NCOA6: variants seen among roughly 807,000 people sequenced by gnomAD.
The protein encoded by NCOA6 is nuclear receptor coactivator 6.
In NCOA6, 49 loss-of-function variants were observed where a neutral mutation model predicts 171.4. The ratio of observed to expected loss-of-function variants is 0.29; its 90% CI spans 0.23 to 0.36. The LOEUF is 0.36. Among genes scored for constraint, NCOA6 ranks in the 10% least tolerant of loss-of-function variants. The probability of loss-of-function intolerance (pLI) is 1.00; values close to 1 mark genes in which losing one functional copy is unlikely to be tolerated. For missense variants in NCOA6, 2,248 were observed against 2,554.5 expected, an observed-to-expected ratio of 0.88 and a Z score of 2.59; for synonymous variants, 910 against 927.5, an observed-to-expected ratio of 0.98 and a Z score of 0.34.
At position 34,768,542 on chromosome 20, in the gene NCOA6, C is replaced by G. The variant is rs748901118; in HGVS notation, c.436G>C (p.Asp146His). Residue 146 changes from aspartate to histidine, a missense_variant, in exon 5 of 15, where the codon GAT (aspartate) becomes CAT (histidine). This residue lies in a region of NCOA6 where 987 missense variants were observed against 1,104.7 expected (regional missense o/e 0.89). Coordinates refer to ENST00000359003, the MANE Select transcript of NCOA6 (RefSeq NM_014071.5). Reference sequence around the variant, plus strand: ...CCCATGGGTCCATTCATTCTCACATCTTGGCTTCGGTTCTGAGCCAAAGCC... The same window carrying G: ...CCCATGGGTCCATTCATTCTCACATGTTGGCTTCGGTTCTGAGCCAAAGCC... ...NLALAQNRSQ[D>H]VRMNGPMGAG... is the part of the protein sequence containing the mutation. 1.5e-5 allele frequency: 24 copies of G among 1,614,064 alleles called. No individual in the cohort carries two copies. The Admixed American group carries it at 4.0e-4, about 27-fold the overall frequency.
At chr20:34,818,226 G>A (rs981345450) in intron 1 of NCOA6, among the ~76,000 whole-genome samples, 1 of 152,146 alleles carries the variant, frequency 6.6e-6, no homozygotes. Flanking sequence ...CATATGGCTT[G>A]TGCCTATAAT....
At position 34,740,680 on chromosome 20, in the gene NCOA6, G is replaced by A. The variant is rs780352134; in HGVS notation, c.5576C>T (p.Thr1859Ile). 2 of 1,614,206 alleles carry A rather than the reference G, an allele frequency of 1.2e-6. No individual in the cohort carries two copies. The highest frequency in any genetic ancestry group is 1.7e-6 in the Non-Finnish European group (2 of 1,180,034). ...DGETEGQGLDTTAPGLMGTEQ... is the reference protein window; with the variant it reads ...DGETEGQGLDITAPGLMGTEQ... ...TGTTCCCATGAGCCCCGGAGCTGTG[G>A]TGTCTAGCCCTTGGCCTTCAGTCTC... Residue 1859 changes from threonine to isoleucine, a missense_variant, in exon 11 of 15, where the codon ACC becomes ATC. Coordinates refer to ENST00000359003, the MANE Select transcript of NCOA6 (RefSeq NM_014071.5).
intron 1 of NCOA6, among the ~76,000 whole-genome samples, chr20:34,804,506 C>A (rs369070955): frequency 0.01 from 1,146 of 113,272 alleles, no homozygotes; most frequent in Middle Eastern, 0.013. Context: ...GACCCTGTCT[C>A]AAAAAAAAAA....
At chr20:34,764,640 G>A (rs183795916) in intron 5 of NCOA6, among the ~76,000 whole-genome samples, 6 of 151,650 alleles carry the variant, frequency 4.0e-5, no homozygotes, top group East Asian at 2.0e-4. Flanking sequence ...AGCCAAGATC[G>A]CGCAACTGCA....
intron 2 of NCOA6, among the ~76,000 whole-genome samples, chr20:34,790,853 A>G (rs1358101456): frequency 1.4e-5 from 2 of 146,490 alleles, no homozygotes; most frequent in Non-Finnish European, 3.0e-5. Context: ...GTTTCACCAT[A>G]TTGGCCAGGC....
At chr20:34,823,269 G>A (rs1352972807) in intron 1 of NCOA6, among the ~76,000 whole-genome samples, 1 of 152,076 alleles carries the variant, frequency 6.6e-6, no homozygotes, top group South Asian at 2.1e-4. Context: ...TGTAATCCCA[G>A]CACTTTGGGA....
In NCOA6 at chr20:34,743,309, G is replaced by GTGGC; in HGVS notation, c.2943_2946dup (p.Leu983AlafsTer66). The GTGGC allele has an allele frequency of 6.2e-7, 1 of 1,611,948 alleles. No individual in the cohort carries two copies. The highest frequency in any genetic ancestry group is 8.5e-7 in the Non-Finnish European group (1 of 1,178,416). ...ATGAGTTGAGGAGGCATCTGCTGAA[G>GTGGC]TGGCCTCTGTTCAACTGGTTGAGAA... On this transcript the variant is annotated frameshift_variant, in exon 11 of 15. Transcript: ENST00000359003. LOFTEE classifies it high-confidence loss of function.
intron 2 of NCOA6, among the ~76,000 whole-genome samples, chr20:34,790,839 T>C (rs2077856597): frequency 6.7e-6 from 1 of 150,020 alleles, no homozygotes; most frequent in South Asian, 2.1e-4. Context: ...TTAGGAGAGA[T>C]GAGGTTTCAC....
At chr20:34,810,607 G>C (rs1313279638) in intron 1 of NCOA6, among the ~76,000 whole-genome samples, 1 of 151,592 alleles carries the variant, frequency 6.6e-6, no homozygotes, top group Admixed American at 6.6e-5. Flanking sequence ...CCAGGCTGGA[G>C]TGCAGTGGTG....
rs148504716 is a variant in NCOA6, at chr20:34,726,215, C to A, written c.6148+1044G>T. Among the ~76,000 whole-genome samples, 47 of 152,240 alleles carry A rather than the reference C, an allele frequency of 3.1e-4. No homozygotes were observed. The East Asian group carries it at 7.9e-3, about 26-fold the overall frequency. ...AGGTCAGAGGAGATGGGATCAAAGGCATAGATGGAGAAACTGGCCTTAGAC... is the reference window on the plus strand; with the variant it reads ...AGGTCAGAGGAGATGGGATCAAAGGAATAGATGGAGAAACTGGCCTTAGAC... On this transcript the variant is annotated intron_variant, in intron 14 of 14. Transcript: ENST00000359003.
chr20:34,747,927 GT>G (rs917448951), intron 9 of NCOA6, among the ~76,000 whole-genome samples: 5 of 152,154 alleles, frequency 3.3e-5, no homozygotes, highest in African/African-American at 1.2e-4. Flanking sequence ...GCCCCATCAT[GT>G]TATGAATGAG....
chr20:34,769,367 A>AT (rs764208500), intron 4 of NCOA6, among the ~76,000 whole-genome samples: 5,524 of 143,050 alleles, frequency 0.039, 312 homozygotes, highest in African/African-American at 0.13. Context: ...TACGTATAGG[A>AT]TTTTTTTTTT....
In NCOA6 at chr20:34,749,833, G is replaced by A. The variant is rs139851801; in HGVS notation, c.2362C>T (p.Leu788=). The stretch of plus-strand genomic sequence containing the variant: ...TGTGGGCTGGGCCCTGGTGGCCGCA[G>A]GACCTGTCCCTGAATGCCCATAACC... ...SQVMGIQGQV[L]RPPGPSPHMA... Residue 788 remains leucine, a synonymous_variant, in exon 9 of 15, where the codon CTG becomes TTG. Coordinates refer to ENST00000359003, the MANE Select transcript of NCOA6 (RefSeq NM_014071.5). 4.9e-4 allele frequency: 788 copies of A among 1,614,240 alleles called. 1 individual carries two copies. Among genetic ancestry groups the A allele is most frequent in the Non-Finnish European group, 6.0e-4 (713 of 1,180,048 alleles).
At chr20:34,823,517 T>C (rs1030591601) in intron 1 of NCOA6, among the ~76,000 whole-genome samples, 2 of 152,244 alleles carry the variant, frequency 1.3e-5, no homozygotes, top group Admixed American at 6.5e-5. Flanking sequence ...CTATTTTCCA[T>C]GACTAATTTG....
rs2076120499 is a variant in NCOA6, at chr20:34,740,921, C to T, written c.5335G>A (p.Ala1779Thr). The change falls in exon 11 of 15, where the codon GCA (alanine) becomes ACA (threonine). Residue 1779 changes from alanine (A) to threonine (T), a missense_variant. Around this residue, in one of 7 missense-constraint regions of NCOA6, gnomAD observed 884 missense variants for 941.9 expected, o/e 0.94. Coordinates refer to ENST00000359003, the MANE Select transcript of NCOA6 (RefSeq NM_014071.5). Reference sequence around the variant, plus strand: ...GAAGAGGGAAGAGTGTTCTGATCTGCTGAGGTGTTCACCTGAGGGCTAGCC... The same window carrying T: ...GAAGAGGGAAGAGTGTTCTGATCTGTTGAGGTGTTCACCTGAGGGCTAGCC... ...DEASPQVNTSADQNTLPSSQS... is the reference protein window; with the variant it reads ...DEASPQVNTSTDQNTLPSSQS... The T allele has an allele frequency of 1.2e-6, 2 of 1,614,156 alleles. No homozygotes were observed. Among genetic ancestry groups the T allele is most frequent in the Non-Finnish European group, 1.7e-6 (2 of 1,180,030 alleles).
At chr20:34,788,652 T>C (rs1169343416) in intron 2 of NCOA6, among the ~76,000 whole-genome samples, 1 of 152,168 alleles carries the variant, frequency 6.6e-6, no homozygotes, top group African/African-American at 2.4e-5. Context: ...CTGAAGGACA[T>C]ATAGGTTTTA....
At chr20:34,812,607 G>C (rs1701165653) in intron 1 of NCOA6, among the ~76,000 whole-genome samples, 2 of 151,958 alleles carry the variant, frequency 1.3e-5, no homozygotes, top group Non-Finnish European at 2.9e-5. Context: ...GTAAGTCAGA[G>C]GCTCAGTGAG....
At chr20:34,738,895 T>G in intron 11 of NCOA6, 3 of 456,062 alleles carry the variant, frequency 6.6e-6, no homozygotes, top group Non-Finnish European at 1.3e-5. Context: ...TCCTCCTGGG[T>G]GCTTACCACT....
intron 1 of NCOA6, among the ~76,000 whole-genome samples, chr20:34,810,500 C>T (rs2146605839): frequency 6.6e-6 from 1 of 152,102 alleles, no homozygotes; most frequent in Non-Finnish European, 1.5e-5. Context: ...ATTGTACCAT[C>T]CATATGAGGA....
Sources: allele counts gnomAD v4.1 joint callset (sites outside exome capture counted in the v4.1 genomes callset), GRCh38; gene constraint gnomAD v4.1.1; regional missense constraint gnomAD v4.1.1; transcripts MANE v1.5; gene names NCBI Gene and HGNC (gene_info 2026-07-23, HGNC 2026-07-21).